The following MACROD2 variants were observed in gnomAD, a reference collection of about 807,000 sequenced individuals.
MACROD2 encodes ADP-ribose glycohydrolase MACROD2.
MACROD2 carries 36 observed loss-of-function variants against 70.4 expected under a neutral mutation model. The observed-to-expected ratio is 0.51, with a 90% CI of 0.39 to 0.68. The LOEUF (loss-of-function observed/expected upper bound fraction) is 0.68. Ranked by LOEUF, MACROD2 falls within the 30% of genes least tolerant of loss-of-function variation. MACROD2 has a pLI of 0.00. For missense variants in MACROD2, 496 were observed against 538.4 expected (o/e 0.92, Z 0.78); for synonymous variants, 172 against 178.8 (o/e 0.96, Z 0.30).
intron 3 of MACROD2, among the ~76,000 whole-genome samples, chr20:14,165,119 T>C (rs1013010560): frequency 2.0e-5 from 3 of 152,146 alleles, no homozygotes; most frequent in Non-Finnish European, 2.9e-5. Context: ...TGATGGGGGC[T>C]GAGTTCTCAA....
intron 5 of MACROD2, among the ~76,000 whole-genome samples, chr20:14,875,157 C>T (rs112917153): frequency 0.027 from 4,074 of 151,848 alleles, 196 homozygotes; most frequent in African/African-American, 0.092. Context: ...CTGAGGTGGG[C>T]GGATCACGAG....
chr20:14,591,916 T>C (rs1431188182), intron 4 of MACROD2, among the ~76,000 whole-genome samples: 1 of 152,206 alleles, frequency 6.6e-6, no homozygotes, highest in Non-Finnish European at 1.5e-5. Context: ...ATTTAAGTGC[T>C]ACAGTACTTC....
At chr20:15,230,494 G>A (rs919163123) in intron 6 of MACROD2, among the ~76,000 whole-genome samples, 1 of 152,126 alleles carries the variant, frequency 6.6e-6, no homozygotes, top group African/African-American at 2.4e-5. Flanking sequence ...ATGAATGTGT[G>A]CATGCATTCT....
intron 4 of MACROD2, among the ~76,000 whole-genome samples, chr20:14,503,509 A>G (rs1568643074): frequency 6.6e-6 from 1 of 152,214 alleles, no homozygotes; most frequent in South Asian, 2.1e-4. Context: ...GGGGAGAATC[A>G]GTGGATTCAG....
intron 5 of MACROD2, among the ~76,000 whole-genome samples, chr20:15,091,824 T>C (rs2075795087): frequency 6.6e-6 from 1 of 152,206 alleles, no homozygotes; most frequent in African/African-American, 2.4e-5. Context: ...ATTTGCTTTG[T>C]GTTCAACTTT....
intron 8 of MACROD2, among the ~76,000 whole-genome samples, chr20:15,548,165 G>A (rs1600571886): frequency 6.6e-6 from 1 of 151,916 alleles, no homozygotes; most frequent in East Asian, 1.9e-4. Flanking sequence ...AACAGTTTTG[G>A]AACTTAGCTT....
At chr20:15,332,120 G>A (rs527675068) in intron 6 of MACROD2, among the ~76,000 whole-genome samples, 2 of 151,602 alleles carry the variant, frequency 1.3e-5, no homozygotes, top group Non-Finnish European at 2.9e-5. Context: ...AGTTTGAACT[G>A]ATAGTGTGGG....
At chr20:15,772,452 C>G (rs193057021) in intron 8 of MACROD2, among the ~76,000 whole-genome samples, 1 of 151,994 alleles carries the variant, frequency 6.6e-6, no homozygotes, top group African/African-American at 2.4e-5. Context: ...TCTTTCTCAA[C>G]TGGCAAGGAA....
chr20:15,032,106 A>G (rs2075279692), intron 5 of MACROD2, among the ~76,000 whole-genome samples: 1 of 152,176 alleles, frequency 6.6e-6, no homozygotes, highest in Non-Finnish European at 1.5e-5. Flanking sequence ...CTTAGCCACA[A>G]CTTTGCTCTG....
intron 6 of MACROD2, among the ~76,000 whole-genome samples, chr20:15,422,822 T>C (rs1171775097): frequency 2.0e-5 from 3 of 152,196 alleles, no homozygotes; most frequent in African/African-American, 4.8e-5. Context: ...CTGCTCCTTT[T>C]ATAGATGGGG....
intron 5 of MACROD2, among the ~76,000 whole-genome samples, chr20:14,794,855 C>T (rs574037240): frequency 1.3e-5 from 2 of 151,954 alleles, no homozygotes; most frequent in Admixed American, 6.6e-5. Flanking sequence ...AACACAGAAA[C>T]AATGTAAAAG....
intron 8 of MACROD2, among the ~76,000 whole-genome samples, chr20:15,559,182 G>C (rs555999569): frequency 1.5e-5 from 2 of 137,610 alleles, no homozygotes. Flanking sequence ...AGTCGAGATC[G>C]CGCCACTGCA....
At chr20:14,401,806 C>G (rs1356566502) in intron 3 of MACROD2, among the ~76,000 whole-genome samples, 1 of 151,908 alleles carries the variant, frequency 6.6e-6, no homozygotes, top group Non-Finnish European at 1.5e-5. Context: ...TTGTTGTAAT[C>G]TAGATTATAA....
intron 7 of MACROD2, among the ~76,000 whole-genome samples, chr20:15,476,242 A>G (rs2047020768): frequency 6.6e-6 from 1 of 152,206 alleles, no homozygotes; most frequent in African/African-American, 2.4e-5. Context: ...ACAATGCCTT[A>G]TTACCCCTTA....
intron 10 of MACROD2, chr20:15,892,946 C>T (rs1222421707): frequency 2.5e-6 from 1 of 398,698 alleles, no homozygotes; most frequent in African/African-American, 2.1e-5. Context: ...AGCCAAAAGG[C>T]CTCTCTCCAC....
At chr20:15,150,631 C>T (rs2076262390) in intron 5 of MACROD2, among the ~76,000 whole-genome samples, 1 of 151,794 alleles carries the variant, frequency 6.6e-6, no homozygotes, top group Non-Finnish European at 1.5e-5. Context: ...GATGCATGAT[C>T]AGTTGCCAAG....
chr20:15,725,311 G>A (rs1005673735), intron 8 of MACROD2, among the ~76,000 whole-genome samples: 11 of 151,976 alleles, frequency 7.2e-5, no homozygotes, highest in Admixed American at 1.3e-4. Context: ...TATTTTGTTA[G>A]ATTTATATCT....
At chr20:15,522,775 C>A (rs1480465042) in intron 8 of MACROD2, among the ~76,000 whole-genome samples, 3 of 152,068 alleles carry the variant, frequency 2.0e-5, no homozygotes. Flanking sequence ...GCAACTGGTG[C>A]TAACTGCTGG....
intron 5 of MACROD2, among the ~76,000 whole-genome samples, chr20:15,086,537 G>T (rs2075750187): frequency 6.6e-6 from 1 of 152,074 alleles, no homozygotes; most frequent in South Asian, 2.1e-4. Flanking sequence ...TATTCAGAAT[G>T]TTACTTTGAT....
Sources: allele counts gnomAD v4.1 joint callset (sites outside exome capture counted in the v4.1 genomes callset), GRCh38; gene constraint gnomAD v4.1.1; transcripts MANE v1.5; gene names NCBI Gene and HGNC (gene_info 2026-07-23, HGNC 2026-07-21).